LRRTM3: variants seen among roughly 807,000 people sequenced by gnomAD.
LRRTM3 encodes leucine rich repeat transmembrane neuronal 3, also known as leucine-rich repeat transmembrane neuronal protein 3.
LRRTM3 carries 24 observed loss-of-function variants against 44.7 expected under a neutral mutation model. The ratio of observed to expected loss-of-function variants is 0.54; its 90% CI spans 0.39 to 0.76. The LOEUF is 0.76. Ranked by LOEUF, LRRTM3 falls within the 30% of genes least tolerant of loss-of-function variation. The probability of loss-of-function intolerance (pLI) is 0.00; values close to 1 mark genes in which losing one functional copy is unlikely to be tolerated. For missense variants in LRRTM3, 587 were observed against 702.2 expected, an observed-to-expected ratio of 0.84 and a Z score of 1.85; for synonymous variants, 277 against 278.7, an observed-to-expected ratio of 0.99 and a Z score of 0.06.
At chr10:67,043,953 C>G (rs1854565631) in intron 2 of LRRTM3, among the ~76,000 whole-genome samples, 1 of 132,556 alleles carries the variant, frequency 7.5e-6, no homozygotes, top group African/African-American at 2.6e-5. Flanking sequence ...ATTTCAACCT[C>G]TATTTTAGAT....
intron 2 of LRRTM3, among the ~76,000 whole-genome samples, chr10:67,002,232 A>C (rs1339325289): frequency 6.6e-6 from 1 of 152,122 alleles, no homozygotes. Flanking sequence ...ACAATAAGTA[A>C]TTATTTCTTA....
intron 2 of LRRTM3, among the ~76,000 whole-genome samples, chr10:66,964,732 C>T (rs1398868085): frequency 2.6e-5 from 4 of 152,106 alleles, no homozygotes; most frequent in African/African-American, 9.7e-5. Flanking sequence ...TTCATGATCC[C>T]TCCCTAAAAC....
chr10:67,033,233 G>T (rs1223081469), intron 2 of LRRTM3, among the ~76,000 whole-genome samples: 1 of 152,076 alleles, frequency 6.6e-6, no homozygotes, highest in Admixed American at 6.5e-5. Context: ...TTTGTATAAG[G>T]CTTTCTCTCT....
At chr10:67,042,103 CA>C (rs1854430879) in intron 2 of LRRTM3, among the ~76,000 whole-genome samples, 1 of 152,078 alleles carries the variant, frequency 6.6e-6, no homozygotes, top group Non-Finnish European at 1.5e-5. Flanking sequence ...TTTTAATAAA[CA>C]GGAGAAAACT....
intron 2 of LRRTM3, among the ~76,000 whole-genome samples, chr10:67,069,174 T>C (rs2764807): frequency 0.51 from 77,526 of 151,904 alleles, 20,149 homozygotes; most frequent in Middle Eastern, 0.64. Flanking sequence ...AAGTAGGCTA[T>C]AGTCTCAAAC....
chr10:67,093,575 TG>T (rs1052079231), intron 2 of LRRTM3, among the ~76,000 whole-genome samples: 1 of 151,834 alleles, frequency 6.6e-6, no homozygotes, highest in African/African-American at 2.4e-5. Flanking sequence ...CAAACAGATT[TG>T]TTTTTTTAAT....
At chr10:66,938,652 T>C (rs932923566) in intron 2 of LRRTM3, among the ~76,000 whole-genome samples, 3 of 152,088 alleles carry the variant, frequency 2.0e-5, no homozygotes, top group Non-Finnish European at 2.9e-5. Context: ...CAAACCCATA[T>C]TGTCCAAAGG....
chr10:67,089,436 G>T (rs1429162725), intron 2 of LRRTM3, among the ~76,000 whole-genome samples: 1 of 151,946 alleles, frequency 6.6e-6, no homozygotes, highest in African/African-American at 2.4e-5. Context: ...ACAGCCTGTT[G>T]TACTCACACC....
chr10:66,968,925 G>A (rs1428481991), intron 2 of LRRTM3, among the ~76,000 whole-genome samples: 2 of 152,046 alleles, frequency 1.3e-5, no homozygotes, highest in South Asian at 2.1e-4. Context: ...GCTGAGGCAG[G>A]AGAATTGCTT....
intron 2 of LRRTM3, among the ~76,000 whole-genome samples, chr10:67,007,768 T>TA (rs530563846): frequency 1.6e-3 from 242 of 151,150 alleles, no homozygotes; most frequent in Middle Eastern, 3.4e-3. Context: ...ATAGTATTTT[T>TA]AAAAAAAAAG....
chr10:67,069,951 T>C (rs777458049), intron 2 of LRRTM3, among the ~76,000 whole-genome samples: 1 of 152,166 alleles, frequency 6.6e-6, no homozygotes, highest in African/African-American at 2.4e-5. Flanking sequence ...TACTGGGTCA[T>C]GGGATATGCA....
chr10:67,070,017 A>G (rs941445270), intron 2 of LRRTM3, among the ~76,000 whole-genome samples: 1 of 152,216 alleles, frequency 6.6e-6, no homozygotes, highest in East Asian at 1.9e-4. Flanking sequence ...ACCCACTAGC[A>G]GACCATGAGA....
chr10:67,004,439 C>T (rs1851858965), intron 2 of LRRTM3, among the ~76,000 whole-genome samples: 1 of 152,196 alleles, frequency 6.6e-6, no homozygotes, highest in Admixed American at 6.5e-5. Flanking sequence ...AGGACAGCCC[C>T]ATGGCATGGT....
intron 2 of LRRTM3, among the ~76,000 whole-genome samples, chr10:66,932,560 C>A (rs1351029217): frequency 6.6e-6 from 1 of 151,968 alleles, no homozygotes; most frequent in African/African-American, 2.4e-5. Context: ...GCTACCTACA[C>A]TAAAAATCAG....
intron 2 of LRRTM3, among the ~76,000 whole-genome samples, chr10:66,950,382 T>C (rs1848480746): frequency 1.3e-5 from 2 of 152,100 alleles, no homozygotes; most frequent in Non-Finnish European, 2.9e-5. Flanking sequence ...ATCCTAAACA[T>C]GCTTAAGGCA....
At chr10:67,089,587 T>C (rs1857506280) in intron 2 of LRRTM3, among the ~76,000 whole-genome samples, 1 of 152,036 alleles carries the variant, frequency 6.6e-6, no homozygotes, top group Admixed American at 6.6e-5. Flanking sequence ...ATATGGACTC[T>C]TGCCAATAAA....
chr10:66,963,345 T>C lies in LRRTM3; in HGVS notation c.1536+34893T>C, dbSNP rs565442520. Among the ~76,000 whole-genome samples, 5 of 152,290 alleles carry C rather than the reference T, an allele frequency of 3.3e-5. No homozygotes were observed. The South Asian group carries it at 1.0e-3, about 32-fold the overall frequency. The stretch of plus-strand genomic sequence containing the variant: ...GGGAAATTATTTACCTCTATAAGCC[T>C]CAGTTATTTGCTTGTAGTATGGAAA... On this transcript the variant is annotated intron_variant, in intron 2 of 2. Transcript: ENST00000361320.
chr10:66,938,541 A>T (rs958627305), intron 2 of LRRTM3, among the ~76,000 whole-genome samples: 3 of 152,192 alleles, frequency 2.0e-5, no homozygotes, highest in African/African-American at 7.2e-5. Flanking sequence ...TGGCATCTTC[A>T]TGTTGAGTAG....
intron 2 of LRRTM3, among the ~76,000 whole-genome samples, chr10:67,042,456 A>G (rs1854456018): frequency 6.6e-6 from 1 of 152,156 alleles, no homozygotes; most frequent in Admixed American, 6.5e-5. Context: ...ATGTCTTCTA[A>G]GCATGTAGAT....
Sources: allele counts gnomAD v4.1 joint callset (sites outside exome capture counted in the v4.1 genomes callset), GRCh38; gene constraint gnomAD v4.1.1; transcripts MANE v1.5; gene names NCBI Gene and HGNC (gene_info 2026-07-23, HGNC 2026-07-21).